MAGI2: variants seen among roughly 807,000 people sequenced by gnomAD.
MAGI2 encodes the protein membrane associated guanylate kinase, WW and PDZ domain containing 2, also known as membrane-associated guanylate kinase, WW and PDZ domain-containing protein 2.
Under a neutral mutation model 133.3 loss-of-function variants are expected in MAGI2, and 35 were observed. The observed-to-expected ratio is 0.26, with a 90% CI of 0.20 to 0.35. The LOEUF (loss-of-function observed/expected upper bound fraction) is 0.35, where lower values mean the gene tolerates loss of function less well. Among genes scored for constraint, MAGI2 ranks in the 10% least tolerant of loss-of-function variants. MAGI2 has a pLI of 1.00. For missense variants in MAGI2, 1,636 were observed against 1,863.4 expected, an observed-to-expected ratio of 0.88 and a Z score of 2.25; for synonymous variants, 729 against 710.6, an observed-to-expected ratio of 1.03 and a Z score of -0.41.
chr7:78,438,563 G>A (rs370689160), intron 6 of MAGI2, among the ~76,000 whole-genome samples: 26 of 152,134 alleles, frequency 1.7e-4, no homozygotes, highest in Non-Finnish European at 8.8e-5. Flanking sequence ...GCTGTTTTAC[G>A]GTGGAGATGC....
At chr7:79,102,211 C>T (rs537585748) in intron 1 of MAGI2, among the ~76,000 whole-genome samples, 7 of 152,108 alleles carry the variant, frequency 4.6e-5, no homozygotes, top group Middle Eastern at 3.4e-3. Flanking sequence ...GTGGTTTGCA[C>T]GTATGCCCCA....
At chr7:78,955,733 C>CTT (rs560339274) in intron 2 of MAGI2, among the ~76,000 whole-genome samples, 1 of 49,198 alleles carries the variant, frequency 2.0e-5, no homozygotes, top group East Asian at 4.8e-4. Flanking sequence ...CTCTTTCTTT[C>CTT]TTTCTTTCTT....
At chr7:79,238,313 C>G (rs1163685672) in intron 1 of MAGI2, among the ~76,000 whole-genome samples, 3 of 152,094 alleles carry the variant, frequency 2.0e-5, no homozygotes, top group African/African-American at 2.4e-5. Context: ...ATATCTTCCT[C>G]TTACACCTCT....
intron 1 of MAGI2, among the ~76,000 whole-genome samples, chr7:79,311,712 T>C (rs954728541): frequency 9.9e-5 from 15 of 152,118 alleles, no homozygotes; most frequent in African/African-American, 2.7e-4. Flanking sequence ...CCCACAGTTA[T>C]TGAATGTTCA....
intron 2 of MAGI2, among the ~76,000 whole-genome samples, chr7:78,640,624 AAT>A (rs3085426): frequency 0.26 from 40,028 of 152,010 alleles, 5,684 homozygotes; most frequent in East Asian, 0.6. Context: ...CAGAGGGGTG[AAT>A]ACCAACCAGT....
At chr7:78,671,955 A>G (rs529878561) in intron 2 of MAGI2, among the ~76,000 whole-genome samples, 1 of 152,320 alleles carries the variant, frequency 6.6e-6, no homozygotes, top group African/African-American at 2.4e-5. Context: ...TCTGCTTCCA[A>G]AAAAGTGATT....
chr7:78,575,328 C>T (rs762872462), intron 3 of MAGI2, among the ~76,000 whole-genome samples: 2 of 151,770 alleles, frequency 1.3e-5, no homozygotes, highest in Non-Finnish European at 2.9e-5. Context: ...ACTTTTTGCA[C>T]CAACCTAATG....
At chr7:79,280,945 AAAAAAAAAAAAAAAAAAAAAG>A (rs1835592797) in intron 1 of MAGI2, among the ~76,000 whole-genome samples, 1 of 143,294 alleles carries the variant, frequency 7.0e-6, no homozygotes, top group African/African-American at 2.7e-5. Flanking sequence ...AAAAAAAAAA[AAAAAAAAAAAAAAAAAAAAAG>A]AATGATATAA....
At chr7:78,423,187 A>T (rs1408880534) in intron 6 of MAGI2, among the ~76,000 whole-genome samples, 2 of 152,126 alleles carry the variant, frequency 1.3e-5, no homozygotes, top group African/African-American at 2.4e-5. Flanking sequence ...TGAATTATGG[A>T]GGCAGATCTT....
intron 10 of MAGI2, among the ~76,000 whole-genome samples, chr7:78,214,875 C>T (rs1328928383): frequency 1.3e-5 from 2 of 152,210 alleles, no homozygotes; most frequent in Non-Finnish European, 2.9e-5. Flanking sequence ...ACTTCTCTTT[C>T]TCCCTGTTTA....
At chr7:78,693,352 C>G (rs1388393562) in intron 2 of MAGI2, among the ~76,000 whole-genome samples, 1 of 152,080 alleles carries the variant, frequency 6.6e-6, no homozygotes, top group East Asian at 1.9e-4. Flanking sequence ...CTCTACTCCC[C>G]TTGGGCCAAA....
At position 78,652,555 on chromosome 7, in the gene MAGI2, A is replaced by G. The variant is rs550616592; in HGVS notation, c.419-25316T>C. ...TCCTATTTAATAAATGGTGTAGGGA[A>G]AACTAGCTAGCCATATGCAGAAAAC... On this transcript the variant is annotated intron_variant, in intron 2 of 21. Coordinates refer to ENST00000354212, the MANE Select transcript of MAGI2 (RefSeq NM_012301.4). Among the ~76,000 whole-genome samples, 3 of 152,296 alleles carry G rather than the reference A, an allele frequency of 2.0e-5. No homozygotes were observed. The East Asian group carries it at 5.8e-4, about 29-fold the overall frequency.
At chr7:78,564,308 C>T (rs908207099) in intron 3 of MAGI2, among the ~76,000 whole-genome samples, 2 of 152,028 alleles carry the variant, frequency 1.3e-5, no homozygotes, top group Non-Finnish European at 2.9e-5. Flanking sequence ...TTGGATCAAC[C>T]CTGAGCGTCA....
chr7:79,144,150 C>G (rs976698850), intron 1 of MAGI2, among the ~76,000 whole-genome samples: 1 of 152,114 alleles, frequency 6.6e-6, no homozygotes, highest in African/African-American at 2.4e-5. Flanking sequence ...AGGCAAAGTA[C>G]CCACAGCAGT....
chr7:78,993,060 G>A lies in MAGI2; in HGVS notation c.418+14030C>T, dbSNP rs1046086138. Among the ~76,000 whole-genome samples the A allele has an allele frequency of 2.0e-5, 3 of 151,828 alleles. No individual in the cohort carries two copies. The East Asian group carries it at 5.8e-4, about 29-fold the overall frequency. ...TCATACTTTTAAATAATAAAGTTGT[G>A]AATAAAAAATGAACAAAAACTCATG... is the stretch of plus-strand genomic sequence containing the variant. On this transcript the variant is annotated intron_variant, in intron 2 of 21. Transcript: ENST00000354212.
intron 6 of MAGI2, among the ~76,000 whole-genome samples, chr7:78,469,457 G>A (rs1461295533): frequency 6.6e-6 from 1 of 152,106 alleles, no homozygotes; most frequent in East Asian, 1.9e-4. Flanking sequence ...TGAAGAACAT[G>A]TGCTACACAA....
rs528192563 is a variant in MAGI2, at chr7:79,001,003, G to A, written c.418+6087C>T. On this transcript the variant is annotated intron_variant, in intron 2 of 21. Coordinates refer to ENST00000354212, the MANE Select transcript of MAGI2 (RefSeq NM_012301.4). ...ATGATCTCAGCTCACTGCAACCTCCGCCTCCCGGGTTCAAGCAATTCTCCT... is the reference window on the plus strand; with the variant it reads ...ATGATCTCAGCTCACTGCAACCTCCACCTCCCGGGTTCAAGCAATTCTCCT... Among the ~76,000 whole-genome samples the A allele has an allele frequency of 3.7e-3, 566 of 152,224 alleles. 3 individuals carry two copies. Among genetic ancestry groups the A allele is most frequent in the African/African-American group, 0.013 (537 of 41,550 alleles).
chr7:79,294,665 C>A (rs1479923581), intron 1 of MAGI2, among the ~76,000 whole-genome samples: 1 of 145,950 alleles, frequency 6.9e-6, no homozygotes, highest in Non-Finnish European at 1.5e-5. Flanking sequence ...ATCAAGTCAG[C>A]ATTTAATTTA....
At chr7:79,192,468 A>G (rs1827757968) in intron 1 of MAGI2, among the ~76,000 whole-genome samples, 1 of 151,934 alleles carries the variant, frequency 6.6e-6, no homozygotes, top group Admixed American at 6.6e-5. Flanking sequence ...GTATATATAA[A>G]AAAAACTACA....
Sources: allele counts gnomAD v4.1 joint callset (sites outside exome capture counted in the v4.1 genomes callset), GRCh38; gene constraint gnomAD v4.1.1; transcripts MANE v1.5; gene names NCBI Gene and HGNC (gene_info 2026-07-23, HGNC 2026-07-21).